Variants in PYGB observed in about 807,000 individuals in gnomAD.
PYGB encodes glycogen phosphorylase B.
A neutral mutation model predicts 94.3 loss-of-function variants in PYGB; 82 were observed. That is an observed-to-expected ratio of 0.87 (90% CI 0.73 to 1.04). PYGB has a LOEUF of 1.04. Ranked by LOEUF, PYGB falls within the 50% of genes least tolerant of loss-of-function variation. The pLI is 0.00. For synonymous variants in PYGB, 488 were observed against 479.1 expected, an observed-to-expected ratio of 1.02 and a Z score of -0.24; for missense variants, 1,132 against 1,158.2, an observed-to-expected ratio of 0.98 and a Z score of 0.33.
intron 19 of PYGB, 113 bp downstream of exon 19, chr20:25,295,783 G>A (rs2088532868): frequency 8.2e-7 from 1 of 1,215,378 alleles, no homozygotes; most frequent in Non-Finnish European, 1.2e-6. Context: ...GGGCCAGAGG[G>A]GTTTGTGATT....
chr20:25,250,541 A>T (rs867570070), intron 1 of PYGB, among the ~76,000 whole-genome samples: 13 of 152,330 alleles, frequency 8.5e-5, no homozygotes, highest in Middle Eastern at 3.4e-3. Flanking sequence ...GAAAATTGGG[A>T]TTTAACTGCT....
intron 14 of PYGB, 34 bp downstream of exon 14, chr20:25,284,285 T>C (rs2123582591): frequency 6.3e-7 from 1 of 1,599,026 alleles, no homozygotes; most frequent in Middle Eastern, 1.8e-4. Context: ...GACCGCGCTG[T>C]GGGGCCCAAG....
At chr20:25,295,208 G>A (rs957307993) in intron 18 of PYGB, among the ~76,000 whole-genome samples, 5 of 152,218 alleles carry the variant, frequency 3.3e-5, no homozygotes, top group African/African-American at 1.2e-4. Flanking sequence ...GACTTAAGAC[G>A]GCAAATGGAG....
At chr20:25,292,270 G>GGAGTGGGGA (rs2088474614) in intron 16 of PYGB, 136 bp from the exon 17 acceptor site, 11 of 1,035,130 alleles carry the variant, frequency 1.1e-5, no homozygotes, top group Non-Finnish European at 9.7e-6. Flanking sequence ...GGGAGTGGGG[G>GGAGTGGGGA]CTGGAGCGGG....
At chr20:25,250,114 G>A (rs2092883433) in intron 1 of PYGB, among the ~76,000 whole-genome samples, 1 of 152,164 alleles carries the variant, frequency 6.6e-6, no homozygotes, top group South Asian at 2.1e-4. Context: ...CTCCCAAAGT[G>A]CAGGAGTTAC....
At chr20:25,294,854 G>T (rs1364722181) in intron 18 of PYGB, 2 of 1,144,724 alleles carry the variant, frequency 1.7e-6, no homozygotes, top group African/African-American at 3.0e-5. Context: ...CTTCACCGTT[G>T]GCAAAAGTTG....
At chr20:25,291,651 C>A (rs1309819274) in intron 16 of PYGB, among the ~76,000 whole-genome samples, 2 of 152,094 alleles carry the variant, frequency 1.3e-5, no homozygotes, top group African/African-American at 4.8e-5. Context: ...ACCGAAGCAT[C>A]TCCTCTCCCC....
intron 18 of PYGB, 124 bp from the exon 19 acceptor site, chr20:25,295,480 G>GCC: frequency 9.0e-7 from 1 of 1,114,088 alleles, no homozygotes; most frequent in Middle Eastern, 2.9e-4. Context: ...GCGTGGGTGG[G>GCC]CCCCTTCGCT....
At chr20:25,261,222 G>C (rs746186476) in intron 2 of PYGB, among the ~76,000 whole-genome samples, 1 of 152,202 alleles carries the variant, frequency 6.6e-6, no homozygotes, top group Non-Finnish European at 1.5e-5. Flanking sequence ...TAACTGGGAG[G>C]CACCTCCCAG....
At chr20:25,294,454 C>T (rs1332028499) in intron 18 of PYGB, among the ~76,000 whole-genome samples, 162 bp downstream of exon 18, 1 of 152,242 alleles carries the variant, frequency 6.6e-6, no homozygotes, top group Admixed American at 6.5e-5. Context: ...GCCTTAGACC[C>T]CAGCTGGGAG....
intron 4 of PYGB, among the ~76,000 whole-genome samples, chr20:25,273,366 G>A (rs1391233331): frequency 6.6e-6 from 1 of 151,476 alleles, no homozygotes; most frequent in Non-Finnish European, 1.5e-5. Context: ...GTGCGGAGGG[G>A]CCTGCTGTGC....
At chr20:25,292,759 C>A (rs1397504339) in intron 17 of PYGB, 146 bp downstream of exon 17, 3 of 1,105,584 alleles carry the variant, frequency 2.7e-6, no homozygotes, top group Non-Finnish European at 3.8e-6. Flanking sequence ...TGCCTGCCTG[C>A]AGGGGTGACC....
chr20:25,248,714 G>T (rs2092878681), intron 1 of PYGB, among the ~76,000 whole-genome samples: 1 of 152,224 alleles, frequency 6.6e-6, no homozygotes, highest in Admixed American at 6.5e-5. Flanking sequence ...GGACGTTCCC[G>T]GTCTCTTTCT....
chr20:25,294,212 C>A lies in PYGB; in HGVS notation c.2232C>A (p.Asp744Glu). 1 of 1,613,950 alleles carries A rather than the reference C, an allele frequency of 6.2e-7. No homozygotes were observed. The highest frequency in any genetic ancestry group is 2.2e-5 in the East Asian group (1 of 44,874). ...TGCCCGAGCTGAAGCAGGCCGTGGA[C>A]CAGATCAGCAGTGGCTTTTTTTCTC... is the stretch of plus-strand genomic sequence containing the variant. ...DHLPELKQAV[D>E]QISSGFFSPK... Residue 744 changes from aspartate to glutamate, a missense_variant, in exon 18 of 20, where the codon GAC becomes GAA. Transcript: ENST00000216962.
intron 19 of PYGB, 124 bp downstream of exon 19, chr20:25,295,794 C>T: frequency 9.2e-7 from 1 of 1,090,042 alleles, no homozygotes; most frequent in Non-Finnish European, 1.4e-6. Flanking sequence ...GTTTGTGATT[C>T]TGATCTGTCA....
At chr20:25,286,369 T>C (rs1011759076) in intron 14 of PYGB, among the ~76,000 whole-genome samples, 2 of 152,138 alleles carry the variant, frequency 1.3e-5, no homozygotes, top group Non-Finnish European at 2.9e-5. Context: ...CCGGCTGCAC[T>C]CTCCTCCCGT....
At position 25,269,226 on chromosome 20, in the gene PYGB, G is replaced by A; in HGVS notation, c.424+19G>A. On this transcript the variant is annotated intron_variant, in intron 3 of 19. Coordinates refer to ENST00000216962, the MANE Select transcript of PYGB (RefSeq NM_002862.4). ...CTGGCAGGTAAGTTGCCCCATCCAG[G>A]AGGAGCTCTCTCGGACCCGTTGGCT... 1 of 1,543,990 alleles carries A rather than the reference G, an allele frequency of 6.5e-7. No homozygotes were observed.
chr20:25,279,725 C>A (rs2088348489), intron 9 of PYGB, among the ~76,000 whole-genome samples: 1 of 151,962 alleles, frequency 6.6e-6, no homozygotes, highest in African/African-American at 2.4e-5. Flanking sequence ...CAGCACACAC[C>A]CAGAAAAATA....
intron 1 of PYGB, among the ~76,000 whole-genome samples, chr20:25,257,727 C>T (rs996553242): frequency 6.6e-6 from 1 of 152,156 alleles, no homozygotes; most frequent in African/African-American, 2.4e-5. Flanking sequence ...TGTTCCTGGC[C>T]TGTCAGCTTT....
Sources: allele counts gnomAD v4.1 joint callset (sites outside exome capture counted in the v4.1 genomes callset), GRCh38; gene constraint gnomAD v4.1.1; transcripts MANE v1.5; gene names NCBI Gene and HGNC (gene_info 2026-07-23, HGNC 2026-07-21).